Variants in RGS6 observed in about 807,000 individuals in gnomAD.
The protein encoded by RGS6 is regulator of G-protein signaling 6.
Under a neutral mutation model 78.5 loss-of-function variants are expected in RGS6, and 30 were observed. The observed-to-expected ratio is 0.38, with a 90% CI of 0.29 to 0.52. The LOEUF (loss-of-function observed/expected upper bound fraction) is 0.52, where lower values mean the gene tolerates loss of function less well. Ranked by LOEUF, RGS6 falls within the 20% of genes least tolerant of loss-of-function variation. The pLI is 0.85. For synonymous variants in RGS6, 206 were observed against 206.0 expected (o/e 1.00, Z 0.00); for missense variants, 495 against 609.7 (o/e 0.81, Z 1.98).
At chr14:72,522,203 G>A (rs896399682) in intron 15 of RGS6, among the ~76,000 whole-genome samples, 1 of 152,158 alleles carries the variant, frequency 6.6e-6, no homozygotes, top group African/African-American at 2.4e-5. Context: ...GCTTGCAGGT[G>A]GCCGCCTTCT....
intron 2 of RGS6, among the ~76,000 whole-genome samples, chr14:72,066,703 T>G (rs1238363352): frequency 3.3e-5 from 5 of 152,060 alleles, no homozygotes; most frequent in Admixed American, 3.3e-4. Flanking sequence ...ATTTAAGTAC[T>G]TAATTTACAG....
chr14:72,286,816 C>T (rs902040830), intron 2 of RGS6, among the ~76,000 whole-genome samples: 1 of 147,228 alleles, frequency 6.8e-6, no homozygotes, highest in Non-Finnish European at 1.5e-5. Context: ...CCTTCTTTCA[C>T]TCTGTTGCCC....
intron 2 of RGS6, among the ~76,000 whole-genome samples, chr14:72,012,926 G>C (rs954120734): frequency 1.3e-5 from 2 of 152,096 alleles, no homozygotes; most frequent in Non-Finnish European, 2.9e-5. Context: ...TTGTTTATAA[G>C]GTATTTCTCT....
chr14:72,028,100 G>C (rs1199138205), intron 2 of RGS6, among the ~76,000 whole-genome samples: 2 of 152,346 alleles, frequency 1.3e-5, no homozygotes, highest in African/African-American at 2.4e-5. Context: ...TGTGTGGGCA[G>C]GTAGGCTGCC....
chr14:72,615,284 A>AGCCCC, the RGS6 span, among the ~76,000 whole-genome samples: 1 of 152,210 alleles, frequency 6.6e-6, no homozygotes, highest in Non-Finnish European at 1.5e-5. Context: ...GGAGACTATA[A>AGCCCC]GCCCCTCTTC....
At chr14:72,036,608 G>A (rs912690366) in intron 2 of RGS6, among the ~76,000 whole-genome samples, 26 of 151,966 alleles carry the variant, frequency 1.7e-4, no homozygotes, top group African/African-American at 5.3e-4. Context: ...CTTATTTGCC[G>A]ACCCTACGTC....
At chr14:72,465,894 A>C (rs570869402) in intron 7 of RGS6, 72 bp downstream of exon 7, 1 of 1,195,594 alleles carries the variant, frequency 8.4e-7, no homozygotes. Flanking sequence ...GTCTAAGTTT[A>C]TTTTTTTTTT....
chr14:72,301,166 T>C (rs1342391612), intron 2 of RGS6, among the ~76,000 whole-genome samples: 1 of 152,128 alleles, frequency 6.6e-6, no homozygotes, highest in Non-Finnish European at 1.5e-5. Context: ...AAGAACAGTA[T>C]CAACATGTAC....
chr14:71,920,237 G>C, the RGS6 span, among the ~76,000 whole-genome samples: 1 of 152,220 alleles, frequency 6.6e-6, no homozygotes, highest in Non-Finnish European at 1.5e-5. Flanking sequence ...ATCTGCGCTA[G>C]TGGTTATCAC....
At chr14:72,197,503 C>T (rs138356962) in intron 2 of RGS6, among the ~76,000 whole-genome samples, 3 of 152,204 alleles carry the variant, frequency 2.0e-5, no homozygotes, top group East Asian at 1.9e-4. Context: ...ACTTGGCAAA[C>T]GAAGAAGGGA....
chr14:72,476,860 G>A lies in RGS6; in HGVS notation c.792+20G>A, dbSNP rs2096252332. On this transcript the variant is annotated intron_variant, in intron 11 of 17. Transcript: ENST00000553525. ...AAACAGGTGAATGAATTGACAGCTT[G>A]CACTCTCAGGAGGAGACGTGGCCAG... The A allele has an allele frequency of 6.3e-7, 1 of 1,599,462 alleles. No homozygotes were observed.
intron 3 of RGS6, among the ~76,000 whole-genome samples, chr14:72,360,365 CA>C (rs35833308): frequency 0.062 from 9,378 of 151,392 alleles, 453 homozygotes; most frequent in East Asian, 0.3. Context: ...ACTAAAAATA[CA>C]AAAAAATTAG....
the RGS6 span, among the ~76,000 whole-genome samples, chr14:71,872,076 G>A: frequency 1.3e-5 from 2 of 152,126 alleles, no homozygotes; most frequent in East Asian, 3.8e-4. Context: ...CATGCTGTGG[G>A]CAGCCACCCA....
intron 17 of RGS6, among the ~76,000 whole-genome samples, chr14:72,558,421 G>GCAT (rs1190133569): frequency 1.3e-5 from 2 of 152,164 alleles, no homozygotes; most frequent in Admixed American, 6.5e-5. Context: ...AAAGAGTTTA[G>GCAT]CATCAGTCTC....
chr14:72,603,829 A>G, the RGS6 span, among the ~76,000 whole-genome samples: 1 of 152,174 alleles, frequency 6.6e-6, no homozygotes, highest in African/African-American at 2.4e-5. Context: ...TCTCCATTCA[A>G]CCACATTGAC....
chr14:72,190,669 T>C (rs2097311951), intron 2 of RGS6, among the ~76,000 whole-genome samples: 1 of 152,250 alleles, frequency 6.6e-6, no homozygotes, highest in Admixed American at 6.5e-5. Context: ...CAGAGACTTC[T>C]ACAAGTATGT....
At chr14:72,606,691 G>A in the RGS6 span, among the ~76,000 whole-genome samples, 9 of 152,192 alleles carry the variant, frequency 5.9e-5, no homozygotes, top group Admixed American at 1.3e-4. Context: ...ACCAAATTCC[G>A]TGTTGAAATG....
At chr14:71,919,829 A>C in the RGS6 span, among the ~76,000 whole-genome samples, 1 of 152,036 alleles carries the variant, frequency 6.6e-6, no homozygotes, top group African/African-American at 2.4e-5. Flanking sequence ...CTCCATCTCT[A>C]CTAAACATAT....
intron 2 of RGS6, among the ~76,000 whole-genome samples, chr14:72,293,370 A>C (rs963563795): frequency 6.6e-6 from 1 of 152,216 alleles, no homozygotes; most frequent in Non-Finnish European, 1.5e-5. Flanking sequence ...CAAAAAATGT[A>C]GAACAATTCG....
Sources: gnomAD v4.1 joint callset for allele counts (sites outside exome capture counted in the v4.1 genomes callset) on GRCh38, gnomAD v4.1.1 for gene constraint, MANE v1.5 for transcripts, NCBI Gene and HGNC (gene_info 2026-07-23, HGNC 2026-07-21) for gene names.